PLEKHG2: variants seen among roughly 807,000 people sequenced by gnomAD.
PLEKHG2 encodes the protein pleckstrin homology domain-containing family G member 2.
In PLEKHG2, 71 loss-of-function variants were observed where a neutral mutation model predicts 104.4. The observed-to-expected ratio is 0.68, with a 90% CI of 0.56 to 0.83. The LOEUF (loss-of-function observed/expected upper bound fraction) is 0.83, where lower values mean the gene tolerates loss of function less well. Ranked by LOEUF, PLEKHG2 falls within the 40% of genes least tolerant of loss-of-function variation. PLEKHG2 has a pLI of 0.00. For missense variants in PLEKHG2, 1,730 were observed against 1,809.4 expected, an observed-to-expected ratio of 0.96 and a Z score of 0.80; for synonymous variants, 728 against 737.0, an observed-to-expected ratio of 0.99 and a Z score of 0.20.
intron 7 of PLEKHG2, 152 bp downstream of exon 7, chr19:39,417,152 G>C (rs1028400176): frequency 6.6e-6 from 6 of 906,842 alleles, no homozygotes; most frequent in Non-Finnish European, 9.6e-6. Flanking sequence ...CACAGCCCTA[G>C]CTTTTTTTTT....
chr19:39,428,113 G>A lies in PLEKHG2; in HGVS notation c.*2819G>A, dbSNP rs2078803117. 1 of 152,234 alleles carries A rather than the reference G, an allele frequency of 6.6e-6. No homozygotes were observed. The highest frequency in any genetic ancestry group is 1.5e-5 in the Non-Finnish European group (1 of 68,054). The allele number at this position is 152,234 out of a possible 1,614,324, so 9.4% of individuals were successfully genotyped here. A position where few individuals can be genotyped will look rare whatever the true frequency, so the allele number is the denominator to read the frequency against. On this transcript the variant is annotated 3_prime_UTR_variant, in exon 19 of 19. Transcript: ENST00000425673. ...AATCCTAGCTACTCAGGAGGCTGAG[G>A]CAGGAGAATCACTTGAACCTGGGAG...
intron 17 of PLEKHG2, 100 bp from the exon 18 acceptor site, chr19:39,422,632 G>C: frequency 7.1e-7 from 1 of 1,410,604 alleles, no homozygotes; most frequent in South Asian, 1.8e-5. Context: ...CAAGTGACCC[G>C]CCCACTTCAG....
Position 39,413,308 on chromosome 19 carries a change from C to G in PLEKHG2, c.-127C>G, listed in dbSNP as rs1013759216. Reference sequence around the variant, plus strand: ...ATTCTATTCCTGGAGCCTGAGAGCCCGAAGTTCACGCCCCTGAGTCTGGGC... The same window carrying G: ...ATTCTATTCCTGGAGCCTGAGAGCCGGAAGTTCACGCCCCTGAGTCTGGGC... On this transcript the variant is annotated 5_prime_UTR_variant, in exon 1 of 19. Transcript: ENST00000425673. The surrounding 1 kb of genome is among the most constrained non-coding windows in gnomAD (Gnocchi z 4.5). 5 of 152,250 alleles carry G rather than the reference C, an allele frequency of 3.3e-5. No individual in the cohort carries two copies. Among genetic ancestry groups the G allele is most frequent in the Admixed American group, 2.6e-4 (4 of 15,282 alleles). 9.4% of individuals were successfully genotyped at this position (152,250 alleles called of 1,614,324 possible).
rs760600564 is a variant in PLEKHG2, at chr19:39,421,343, G to T, written c.1503+44G>T. On this transcript the variant is annotated intron_variant, in intron 16 of 18. Transcript: ENST00000425673. The stretch of plus-strand genomic sequence containing the variant: ...TAGGGTCTGGGCACCTTGACTTCTG[G>T]GTCTGATGGAGAAGGGAGCTTGAGT... 15 of 1,596,980 alleles carry T rather than the reference G, an allele frequency of 9.4e-6. No homozygotes were observed. The Admixed American group carries it at 2.5e-4, about 27-fold the overall frequency.
In PLEKHG2 at chr19:39,415,997, C is replaced by G. The variant is rs1207196697; in HGVS notation, c.480-351C>G. ...ACTGTGGTAAGGAGGACTCTGGGGT[C>G]CAAGGATCATGACATTTCCAAGTAC... On this transcript the variant is annotated intron_variant, in intron 4 of 18. Transcript: ENST00000425673. The surrounding 1 kb of genome is among the most constrained non-coding windows in gnomAD (Gnocchi z 4.6). Among the ~76,000 whole-genome samples, 1 of 152,108 alleles carries G rather than the reference C, an allele frequency of 6.6e-6. No homozygotes were observed. Among genetic ancestry groups the G allele is most frequent in the East Asian group, 1.9e-4 (1 of 5,196 alleles).
rs1387748185 is a variant in PLEKHG2, at chr19:39,425,065, C to T, written c.3932C>T (p.Ala1311Val). ...PAASRGSWSS[A>V]PTSRASSPPP... ...GCCTCCCGGGGCTCCTGGTCCTCTG[C>T]TCCCACGTCACGGGCATCTTCGCCG... The change falls in exon 19 of 19, where the codon GCT becomes GTT. Residue 1311 changes from alanine (A) to valine (V), a missense_variant. By Grantham distance (64) the Ala-to-Val change is moderately conservative. Transcript: ENST00000425673. 3 of 1,597,002 alleles carry T rather than the reference C, an allele frequency of 1.9e-6. No individual in the cohort carries two copies. Among genetic ancestry groups the T allele is most frequent in the Admixed American group, 3.5e-5 (2 of 57,284 alleles).
Position 39,424,862 on chromosome 19 carries a change from C to T in PLEKHG2, c.3729C>T (p.Ser1243=). Residue 1243 remains serine (S), a synonymous_variant, in exon 19 of 19, where the codon TCC becomes TCT. Transcript: ENST00000425673. ...TGGTTTTGTCCAAACCAGGAGGCTC[C>T]TTAGCCTCTCACGTTGCCAGGTTGG... ...TTMVLSKPGG[S]LASHVARLES... The T allele has an allele frequency of 2.5e-6, 4 of 1,614,226 alleles. No homozygotes were observed. The highest frequency in any genetic ancestry group is 3.4e-6 in the Non-Finnish European group (4 of 1,180,048).
Position 39,414,047 on chromosome 19 carries a change from A to G in PLEKHG2, c.-22-18A>G, listed in dbSNP as rs1408236192. 11 of 1,523,016 alleles carry G rather than the reference A, an allele frequency of 7.2e-6. No homozygotes were observed. The Admixed American group carries it at 2.2e-4, about 30-fold the overall frequency. The allele number at this position is 1,523,016 out of a possible 1,614,324, so 94.3% of individuals were successfully genotyped here. A position where few individuals can be genotyped will look rare whatever the true frequency, so the allele number is the denominator to read the frequency against. ...GGCCCATGGGGTCCTGATATCCAAG[A>G]AGGGGCTCTTTCTGCAGGACTCTGC... On this transcript the variant is annotated intron_variant, in intron 1 of 18. Coordinates refer to ENST00000425673, the MANE Select transcript of PLEKHG2 (RefSeq NM_022835.3).
chr19:39,425,114 T>C lies in PLEKHG2; in HGVS notation c.3981T>C (p.Pro1327=). Residue 1327 remains proline (P), a synonymous_variant, in exon 19 of 19, where the codon CCT becomes CCC. Coordinates refer to ENST00000425673, the MANE Select transcript of PLEKHG2 (RefSeq NM_022835.3). ...SSPPPQPQPP[P]PPARRLSYAT... is the part of the protein sequence containing the mutation. The stretch of plus-strand genomic sequence containing the variant: ...CGCCCCCCCAGCCCCAGCCACCACC[T>C]CCCCCAGCCAGGCGGCTCAGCTATG... 1 of 1,586,290 alleles carries C rather than the reference T, an allele frequency of 6.3e-7. No individual in the cohort carries two copies. The highest frequency in any genetic ancestry group is 8.6e-7 in the Non-Finnish European group (1 of 1,166,534).
Position 39,415,207 on chromosome 19 carries a change from G to C in PLEKHG2, c.325G>C (p.Glu109Gln). The change falls in exon 3 of 19, where the codon GAG becomes CAG. Residue 109 changes from glutamate to glutamine, a missense_variant. Transcript: ENST00000425673. The surrounding 1 kb of genome is among the most constrained non-coding windows in gnomAD (Gnocchi z 4.6). ...CTCAAGGCTGGAGCGTGTGGCCCGG[G>C]AGATCGTGGAGACAGAACGGGCCTA... ...RPSRLERVAR[E>Q]IVETERAYVR... The C allele has an allele frequency of 6.3e-7, 1 of 1,583,562 alleles. No homozygotes were observed. Among genetic ancestry groups the C allele is most frequent in the South Asian group, 1.1e-5 (1 of 87,502 alleles).
chr19:39,416,933 C>T lies in PLEKHG2; in HGVS notation c.677C>T (p.Ser226Leu), dbSNP rs763779951. Reference protein sequence around the residue: ...LQERQAQLRHSLPLQSFLLKP... With the variant: ...LQERQAQLRHLLPLQSFLLKP... ...GAGCGCCAGGCCCAGCTTCGCCACT[C>T]GCTGCCCCTGCAGAGCTTCCTGCTG... The change falls in exon 7 of 19, where the codon TCG (serine) becomes TTG (leucine). Residue 226 changes from serine to leucine, a missense_variant. Ser to Leu is a moderately radical substitution (Grantham distance 145). Transcript: ENST00000425673. The surrounding 1 kb of genome is among the most constrained non-coding windows in gnomAD (Gnocchi z 4.5). The T allele has an allele frequency of 5.0e-6, 8 of 1,613,420 alleles. No individual in the cohort carries two copies. Among genetic ancestry groups the T allele is most frequent in the African/African-American group, 2.7e-5 (2 of 75,068 alleles).
At chr19:39,418,281 A>AG (rs1445385392) in intron 9 of PLEKHG2, among the ~76,000 whole-genome samples, 176 bp downstream of exon 9, 1 of 152,072 alleles carries the variant, frequency 6.6e-6, no homozygotes, top group Non-Finnish European at 1.5e-5. Flanking sequence ...GCCCCACTTA[A>AG]GAAAAAAAAG....
Position 39,422,872 on chromosome 19 carries a change from AC to A in PLEKHG2, c.1819del (p.Arg607GlyfsTer183). ...AAGAGGAAGGGCTGGAGATGGATGA[AC>A]GGGGGCCTTCCCCACTCCACGTCCT... is the stretch of plus-strand genomic sequence containing the variant. ...EEEEGLEMDE[R>X]GPSPLHVLEG... On this transcript the variant is annotated frameshift_variant, in exon 18 of 19. Coordinates refer to ENST00000425673, the MANE Select transcript of PLEKHG2 (RefSeq NM_022835.3). LOFTEE classifies it high-confidence loss of function. 2 of 1,582,330 alleles carry A rather than the reference AC, an allele frequency of 1.3e-6. No individual in the cohort carries two copies. The highest frequency in any genetic ancestry group is 1.7e-6 in the Non-Finnish European group (2 of 1,162,570).
rs1219179337 is a variant in PLEKHG2 at position 39,423,730 on chromosome 19, C to A, written c.2600-3C>A. 6.2e-7 allele frequency: 1 copy of A among 1,605,744 alleles called. No homozygotes were observed. Among genetic ancestry groups the A allele is most frequent in the Admixed American group, 1.7e-5 (1 of 59,306 alleles). Reference sequence around the variant, plus strand: ...CCTGACTCGATCCTCTTTTCGCATTCAGGGCTCCTGCCTGCCTTTGGACAC... The same window carrying A: ...CCTGACTCGATCCTCTTTTCGCATTAAGGGCTCCTGCCTGCCTTTGGACAC... On this transcript the variant is annotated splice_region_variant and splice_polypyrimidine_tract_variant and intron_variant, in intron 18 of 18. Transcript: ENST00000425673.
At chr19:39,414,955 G>T (rs1314870087) in intron 2 of PLEKHG2, 37 bp from the exon 3 acceptor site, 3 of 1,545,660 alleles carry the variant, frequency 1.9e-6, no homozygotes, top group African/African-American at 2.7e-5. Context: ...CCGTGCATGG[G>T]GAGATTTCTC....
Position 39,424,990 on chromosome 19 carries a change from T to C in PLEKHG2, c.3857T>C (p.Ile1286Thr), listed in dbSNP as rs2146023527. ...ALSRYLAASY[I>T]SQSLARRQGP... ...TCCAGATACCTGGCAGCCTCATATA[T>C]CAGCCAGAGCCTGGCTCGGCGGCAG... Residue 1286 changes from isoleucine (I) to threonine (T), a missense_variant, in exon 19 of 19, where the codon ATC becomes ACC. Coordinates refer to ENST00000425673, the MANE Select transcript of PLEKHG2 (RefSeq NM_022835.3). 6.2e-7 allele frequency: 1 copy of C among 1,613,016 alleles called. No homozygotes were observed. The highest frequency in any genetic ancestry group is 8.5e-7 in the Non-Finnish European group (1 of 1,179,342).
Position 39,415,922 on chromosome 19 carries a change from C to A in PLEKHG2, c.480-426C>A, listed in dbSNP as rs376252926. Among the ~76,000 whole-genome samples, 15 of 152,272 alleles carry A rather than the reference C, an allele frequency of 9.9e-5. No individual in the cohort carries two copies. The South Asian group carries it at 1.4e-3, about 15-fold the overall frequency. ...ACTTTTCCAGTTTTAGCACTGAAAG[C>A]CCTCGTCCTAGGAAACTGCTCAGTC... is the stretch of plus-strand genomic sequence containing the variant. On this transcript the variant is annotated intron_variant, in intron 4 of 18. Coordinates refer to ENST00000425673, the MANE Select transcript of PLEKHG2 (RefSeq NM_022835.3). The surrounding 1 kb of genome is among the most constrained non-coding windows in gnomAD (Gnocchi z 4.6).
At chr19:39,414,009 T>G in intron 1 of PLEKHG2, 56 bp from the exon 2 acceptor site, 1 of 1,250,694 alleles carries the variant, frequency 8.0e-7, no homozygotes, top group Non-Finnish European at 1.1e-6. Flanking sequence ...TCTGTGAGTC[T>G]GGGCGGCGGA....
Position 39,424,419 on chromosome 19 carries a change from C to T in PLEKHG2, c.3286C>T (p.Pro1096Ser). Residue 1096 changes from proline to serine, a missense_variant, in exon 19 of 19, where the codon CCC (proline) becomes TCC (serine). Coordinates refer to ENST00000425673, the MANE Select transcript of PLEKHG2 (RefSeq NM_022835.3). ...CCAGGGCCCAGGCGACACCCTACCA[C>T]CCTTGCCATGTCACCTCCCAGACCT... ...DPQGPGDTLPPLPCHLPDLQI... is the reference protein window; with the variant it reads ...DPQGPGDTLPSLPCHLPDLQI... 2 of 1,614,148 alleles carry T rather than the reference C, an allele frequency of 1.2e-6. No homozygotes were observed. Among genetic ancestry groups the T allele is most frequent in the Admixed American group, 1.7e-5 (1 of 60,016 alleles).
Sources: allele counts gnomAD v4.1 joint callset (sites outside exome capture counted in the v4.1 genomes callset), GRCh38; gene constraint gnomAD v4.1.1; non-coding constraint Gnocchi (gnomAD v3.1); transcripts MANE v1.5; gene names NCBI Gene and HGNC (gene_info 2026-07-23, HGNC 2026-07-21).